Variants in PCSK5 observed in about 807,000 individuals in gnomAD.
PCSK5 encodes the protein prohormone convertase 5.
PCSK5 carries 129 observed loss-of-function variants against 233.2 expected under a neutral mutation model. That is an observed-to-expected ratio of 0.55 (90% CI 0.48 to 0.64). PCSK5 has a LOEUF of 0.64. Among genes scored for constraint, PCSK5 ranks in the 30% least tolerant of loss-of-function variants. PCSK5 has a pLI of 0.00. For synonymous variants in PCSK5, 825 were observed against 879.2 expected, an observed-to-expected ratio of 0.94 and a Z score of 1.09; for missense variants, 2,076 against 2,430.1, an observed-to-expected ratio of 0.85 and a Z score of 3.06.
intron 30 of PCSK5, among the ~76,000 whole-genome samples, chr9:76,311,815 CT>C (rs1391410343): frequency 6.6e-6 from 1 of 152,204 alleles, no homozygotes; most frequent in Non-Finnish European, 1.5e-5. Context: ...TTAGCTCATC[CT>C]CTCTGACTGG....
intron 3 of PCSK5, among the ~76,000 whole-genome samples, chr9:75,990,561 A>G (rs1826724597): frequency 6.6e-6 from 1 of 152,192 alleles, no homozygotes; most frequent in African/African-American, 2.4e-5. Flanking sequence ...TGTTGCATTG[A>G]CAAGCTTCTT....
chr9:75,954,139 A>AT (rs1477721712), intron 2 of PCSK5, among the ~76,000 whole-genome samples: 2 of 152,184 alleles, frequency 1.3e-5, no homozygotes, highest in African/African-American at 2.4e-5. Flanking sequence ...AAACCAAGTG[A>AT]TTTTGTAAAC....
At chr9:76,043,219 C>T (rs1829203663) in intron 5 of PCSK5, among the ~76,000 whole-genome samples, 1 of 151,246 alleles carries the variant, frequency 6.6e-6, no homozygotes, top group Non-Finnish European at 1.5e-5. Flanking sequence ...GTGGCGGGCG[C>T]CTGTAGTCCC....
chr9:76,043,834 A>G (rs1829243373), intron 5 of PCSK5, among the ~76,000 whole-genome samples: 2 of 152,098 alleles, frequency 1.3e-5, no homozygotes, highest in Non-Finnish European at 2.9e-5. Context: ...ATTCTCCCAA[A>G]GTGCTTGAAT....
At chr9:76,342,489 C>T (rs1829863561) in intron 35 of PCSK5, among the ~76,000 whole-genome samples, 1 of 152,196 alleles carries the variant, frequency 6.6e-6, no homozygotes, top group African/African-American at 2.4e-5. Flanking sequence ...TTCCCCCACA[C>T]TGGGAGAAGA....
In PCSK5 at chr9:76,251,630, A is replaced by G. The variant is rs7044677; in HGVS notation, c.3142+10946A>G. ...TCAACATTAGAATGATTCCATTAAT[A>G]TTCTCTTTGCTGATTCTGTATAATA... On this transcript the variant is annotated intron_variant, in intron 24 of 37. Transcript: ENST00000674117. 2.3e-3 allele frequency among the ~76,000 whole-genome samples: 355 copies of G among 151,994 alleles called. 13 individuals are homozygous for G. Among genetic ancestry groups the G allele is most frequent in the African/African-American group, 8.2e-3 (341 of 41,406 alleles).
At chr9:76,346,244 A>G (rs1270453782) in intron 35 of PCSK5, among the ~76,000 whole-genome samples, 1 of 152,120 alleles carries the variant, frequency 6.6e-6, no homozygotes, top group African/African-American at 2.4e-5. Flanking sequence ...CCATTGGTCT[A>G]TGTGTCTGTC....
intron 20 of PCSK5, among the ~76,000 whole-genome samples, chr9:76,202,906 G>GTC (rs1254204283): frequency 6.6e-6 from 1 of 151,996 alleles, no homozygotes; most frequent in Non-Finnish European, 1.5e-5. Context: ...TCGTGAACCT[G>GTC]GTAAAATATC....
intron 5 of PCSK5, among the ~76,000 whole-genome samples, chr9:76,049,175 T>G (rs1486131011): frequency 6.6e-6 from 1 of 152,054 alleles, no homozygotes; most frequent in Non-Finnish European, 1.5e-5. Flanking sequence ...CCTAAAATAT[T>G]TACTACTTGG....
intron 11 of PCSK5, 104 bp from the exon 12 acceptor site, chr9:76,158,879 T>C: frequency 3.2e-6 from 3 of 928,644 alleles, no homozygotes; most frequent in Non-Finnish European, 5.0e-6. Flanking sequence ...TATCCAGCTA[T>C]CAGCTGCTTA....
intron 28 of PCSK5, 89 bp from the exon 29 acceptor site, chr9:76,308,556 C>G (rs1024516594): frequency 1.3e-6 from 1 of 753,890 alleles, no homozygotes; most frequent in Middle Eastern, 2.3e-4. Flanking sequence ...GGAAAAGAGA[C>G]TAGGTAACCC....
intron 35 of PCSK5, 66 bp downstream of exon 35, chr9:76,338,513 C>A (rs1829743429): frequency 1.7e-6 from 2 of 1,167,856 alleles, no homozygotes; most frequent in Admixed American, 3.9e-5. Context: ...TCCTTATTTG[C>A]CCCTTTCTCT....
rs531762005 is a variant in PCSK5, at chr9:76,303,105, A to T, written c.3604+888A>T. Among the ~76,000 whole-genome samples the T allele has an allele frequency of 6.6e-5, 10 of 152,158 alleles. No individual in the cohort carries two copies. In the East Asian group the frequency reaches 1.7e-3, roughly 27 times the overall value. ...TGATAAAGAACTCTTGCTGAGGAGG[A>T]CTTTATGCCCTGCCCAGGCCTAATT... On this transcript the variant is annotated intron_variant, in intron 28 of 37. Transcript: ENST00000674117.
chr9:76,287,413 G>A (rs569564734), intron 24 of PCSK5: 55 of 167,982 alleles, frequency 3.3e-4, no homozygotes, highest in South Asian at 2.8e-3. Context: ...CACATTCTGC[G>A]TGTAGTACTC....
chr9:76,245,178 A>T (rs1213425558), intron 24 of PCSK5, among the ~76,000 whole-genome samples: 1 of 152,168 alleles, frequency 6.6e-6, no homozygotes, highest in Non-Finnish European at 1.5e-5. Flanking sequence ...ATTTTAATCA[A>T]ATTACATAAG....
intron 24 of PCSK5, among the ~76,000 whole-genome samples, chr9:76,291,866 G>A (rs553768069): frequency 6.6e-6 from 1 of 152,310 alleles, no homozygotes; most frequent in East Asian, 1.9e-4. Flanking sequence ...TCAGAAGCTT[G>A]TAGCCCCTTC....
chr9:76,250,877 G>A (rs751202768), intron 24 of PCSK5, among the ~76,000 whole-genome samples: 76 of 152,320 alleles, frequency 5.0e-4, no homozygotes, highest in Non-Finnish European at 9.1e-4. Flanking sequence ...GATTGTTGGA[G>A]TGATTGCATG....
intron 10 of PCSK5, among the ~76,000 whole-genome samples, chr9:76,152,976 T>C (rs1255249350): frequency 6.6e-6 from 1 of 152,210 alleles, no homozygotes; most frequent in Non-Finnish European, 1.5e-5. Context: ...CTCTTGTCCA[T>C]CTGACTATTC....
At chr9:76,241,151 ACT>A (rs1482461350) in intron 24 of PCSK5, among the ~76,000 whole-genome samples, 2 of 152,054 alleles carry the variant, frequency 1.3e-5, no homozygotes, top group Non-Finnish European at 2.9e-5. Context: ...TATAAAAATG[ACT>A]CTGTTGGGCT....
Sources: gnomAD v4.1 joint callset for allele counts (sites outside exome capture counted in the v4.1 genomes callset) on GRCh38, gnomAD v4.1.1 for gene constraint, MANE v1.5 for transcripts, NCBI Gene and HGNC (gene_info 2026-07-23, HGNC 2026-07-21) for gene names.